Variants in RAB18 observed in about 807,000 individuals in gnomAD.
RAB18 encodes the protein RAB18, member RAS oncogene family, also known as ras-related protein Rab-18.
In RAB18, 10 loss-of-function variants were observed where a neutral mutation model predicts 28.5. The ratio of observed to expected loss-of-function variants is 0.35; its 90% CI spans 0.22 to 0.60. The LOEUF (loss-of-function observed/expected upper bound fraction) is 0.60, where lower values mean the gene tolerates loss of function less well. RAB18 is among the 20% of genes least tolerant of loss of function. RAB18 has a pLI of 0.78. For synonymous variants in RAB18, 93 were observed against 86.9 expected (o/e 1.07, Z -0.39); for missense variants, 188 against 244.2 (o/e 0.77, Z 1.53).
intron 4 of RAB18, among the ~76,000 whole-genome samples, chr10:27,533,117 G>C (rs1326589401): frequency 6.6e-6 from 1 of 151,978 alleles, no homozygotes; most frequent in Non-Finnish European, 1.5e-5. Context: ...TGTATTAATA[G>C]GTAGAATTCT....
rs1287315614 is a variant in RAB18, at chr10:27,541,680, C to T, written c.*3629C>T. 1 of 447,016 alleles carries T rather than the reference C, an allele frequency of 2.2e-6. No individual in the cohort carries two copies. The highest frequency in any genetic ancestry group is 4.4e-6 in the Non-Finnish European group (1 of 225,214). 27.7% of individuals were successfully genotyped at this position (447,016 alleles called of 1,614,324 possible). ...TTTTAACCGGAGAAGCAACAAATTA[C>T]GTAGTTTTTTTTGTGTTTCTTTGAT... On this transcript the variant is annotated 3_prime_UTR_variant, in exon 7 of 7. Coordinates refer to ENST00000356940, the MANE Select transcript of RAB18 (RefSeq NM_021252.5).
chr10:27,517,377 G>A (rs1044397903), intron 2 of RAB18, among the ~76,000 whole-genome samples: 1 of 151,866 alleles, frequency 6.6e-6, no homozygotes, highest in Non-Finnish European at 1.5e-5. Flanking sequence ...AAAAAAAAAA[G>A]AATTTGATGA....
chr10:27,504,822 C>T (rs1589554868), intron 1 of RAB18: 2 of 479,096 alleles, frequency 4.2e-6, no homozygotes, highest in East Asian at 1.1e-4. Context: ...GGCTGCCTGC[C>T]ACCCCGAGAC....
In RAB18 at chr10:27,540,515, T is replaced by C. The variant is rs1490466753; in HGVS notation, c.*2464T>C. 6.6e-6 allele frequency: 3 copies of C among 454,002 alleles called. No individual in the cohort carries two copies. The highest frequency in any genetic ancestry group is 1.6e-5 in the South Asian group (1 of 64,478). 28.1% of individuals were successfully genotyped at this position (454,002 alleles called of 1,614,324 possible). A position where few individuals can be genotyped will look rare whatever the true frequency, so the allele number is the denominator to read the frequency against. On this transcript the variant is annotated 3_prime_UTR_variant, in exon 7 of 7. Transcript: ENST00000356940. ...TATGTAATAGAAGTATTTCACACTT[T>C]TGGGTTATAGAGTAAATCCCATGAT...
chr10:27,535,684 G>C (rs142932091), intron 6 of RAB18, among the ~76,000 whole-genome samples: 1 of 152,126 alleles, frequency 6.6e-6, no homozygotes, highest in Admixed American at 6.5e-5. Flanking sequence ...AGGAAGAAGC[G>C]GTTTGACTGT....
intron 2 of RAB18, among the ~76,000 whole-genome samples, chr10:27,510,792 T>C (rs1379310518): frequency 6.6e-6 from 1 of 152,226 alleles, no homozygotes. Context: ...ATAAAGAGTT[T>C]CTGTTAACTG....
chr10:27,529,134 T>C (rs1459419100), intron 3 of RAB18, among the ~76,000 whole-genome samples: 1 of 151,922 alleles, frequency 6.6e-6, no homozygotes, highest in Admixed American at 6.6e-5. Context: ...GAATATATGT[T>C]TGTGTTCTTG....
Position 27,541,654 on chromosome 10 carries a change from T to G in RAB18, c.*3603T>G, listed in dbSNP as rs1284657718. On this transcript the variant is annotated 3_prime_UTR_variant, in exon 7 of 7. Transcript: ENST00000356940. ...TTCTTGCTTTTTTTTTTTTTCCTCT[T>G]TTTTAACCGGAGAAGCAACAAATTA... is the stretch of plus-strand genomic sequence containing the variant. 6.6e-6 allele frequency: 3 copies of G among 452,144 alleles called. No homozygotes were observed. The highest frequency in any genetic ancestry group is 4.0e-5 in the African/African-American group (2 of 49,766). 28.0% of individuals were successfully genotyped at this position (452,144 alleles called of 1,614,324 possible). A position where few individuals can be genotyped will look rare whatever the true frequency, so the allele number is the denominator to read the frequency against.
At position 27,504,384 on chromosome 10, in the gene RAB18, G is replaced by C; in HGVS notation, c.15G>C (p.Val5=). 6.3e-7 allele frequency: 1 copy of C among 1,576,316 alleles called. No homozygotes were observed. The highest frequency in any genetic ancestry group is 8.6e-7 in the Non-Finnish European group (1 of 1,161,350). The change falls in exon 1 of 7, where the codon GTG becomes GTC. Residue 5 remains valine (V), a synonymous_variant. Coordinates refer to ENST00000356940, the MANE Select transcript of RAB18 (RefSeq NM_021252.5). The part of the protein sequence containing the change: MDED[V]LTTLKILIIG... ...ACGGGGTCAGGATGGACGAGGACGT[G>C]CTAACCACCCTGAAGATCCTCATCA... is the stretch of plus-strand genomic sequence containing the variant.
chr10:27,523,524 A>C (rs979651900), intron 2 of RAB18, among the ~76,000 whole-genome samples: 1 of 151,254 alleles, frequency 6.6e-6, no homozygotes, highest in African/African-American at 2.4e-5. Flanking sequence ...CTGTGTCATC[A>C]CATTCACTGA....
rs559241694 is a variant in RAB18, at chr10:27,512,247, G to A, written c.124+2317G>A. Among the ~76,000 whole-genome samples the A allele has an allele frequency of 3.9e-5, 6 of 151,914 alleles. 1 individual carries two copies. The South Asian group carries it at 1.2e-3, about 32-fold the overall frequency. On this transcript the variant is annotated intron_variant, in intron 2 of 6. Coordinates refer to ENST00000356940, the MANE Select transcript of RAB18 (RefSeq NM_021252.5). Reference sequence around the variant, plus strand: ...TAGGAAAGGGAATCATTTAAAACACGAATTCAAAATCCATTGTAATTTGGC... The same window carrying A: ...TAGGAAAGGGAATCATTTAAAACACAAATTCAAAATCCATTGTAATTTGGC...
chr10:27,510,352 G>C, intron 2 of RAB18: 1 of 226,088 alleles, frequency 4.4e-6, no homozygotes, highest in Non-Finnish European at 8.9e-6. Context: ...AATTTTGTAT[G>C]TTCAGCATTT....
chr10:27,522,936 T>C (rs1210992504), intron 2 of RAB18, among the ~76,000 whole-genome samples: 1 of 152,094 alleles, frequency 6.6e-6, no homozygotes, highest in Non-Finnish European at 1.5e-5. Flanking sequence ...ATCAGTTTTA[T>C]TGGTTTTCTT....
intron 1 of RAB18, among the ~76,000 whole-genome samples, chr10:27,508,437 A>AGTCTT (rs1837905987): frequency 3.5e-4 from 1 of 2,888 alleles, no homozygotes; most frequent in African/African-American, 4.4e-4. Context: ...TCTACAAGGT[A>AGTCTT]ATCTTATGTT....
In RAB18 at chr10:27,541,220, G is replaced by A. The variant is rs1384477476; in HGVS notation, c.*3169G>A. ...ATTGTTCTGACTCCGACCCTGCCGT[G>A]TATACTCAACTATATAGACTTCACC... is the stretch of plus-strand genomic sequence containing the variant. On this transcript the variant is annotated 3_prime_UTR_variant, in exon 7 of 7. Coordinates refer to ENST00000356940, the MANE Select transcript of RAB18 (RefSeq NM_021252.5). 2 of 453,820 alleles carry A rather than the reference G, an allele frequency of 4.4e-6. No individual in the cohort carries two copies. The highest frequency in any genetic ancestry group is 3.1e-5 in the South Asian group (2 of 64,458). 28.1% of individuals were successfully genotyped at this position (453,820 alleles called of 1,614,324 possible).
At chr10:27,527,619 A>G (rs1012265239) in intron 3 of RAB18, among the ~76,000 whole-genome samples, 2 of 151,712 alleles carry the variant, frequency 1.3e-5, no homozygotes, top group African/African-American at 4.8e-5. Context: ...ACTGTTTTAT[A>G]TATCTATTTT....
rs77317710 is a variant in RAB18 at position 27,510,728 on chromosome 10, T to C, written c.124+798T>C. On this transcript the variant is annotated intron_variant, in intron 2 of 6. Coordinates refer to ENST00000356940, the MANE Select transcript of RAB18 (RefSeq NM_021252.5). ...ATTGGGAGGTTTTGTTAAAATTTCA[T>C]GATCTGATGAGGAGAATATAGTAAA... Among the ~76,000 whole-genome samples the C allele has an allele frequency of 9.1e-3, 1,379 of 152,320 alleles. 13 individuals carry two copies. Among genetic ancestry groups the C allele is most frequent in the Admixed American group, 0.022 (335 of 15,304 alleles).
intron 2 of RAB18, chr10:27,510,255 T>C (rs997221623): frequency 3.4e-5 from 12 of 355,904 alleles, no homozygotes; most frequent in South Asian, 2.6e-4. Flanking sequence ...ATACTTATTG[T>C]ATGCCAGGGA....
Position 27,539,541 on chromosome 10 carries a change from G to T in RAB18, c.*1490G>T, listed in dbSNP as rs1281716585. On this transcript the variant is annotated 3_prime_UTR_variant, in exon 7 of 7. Transcript: ENST00000356940. The stretch of plus-strand genomic sequence containing the variant: ...CTATATGCTTTTACTAAATATACAA[G>T]ATTTACTACTAGAAATTTGGAGAAA... 2.5e-6 allele frequency: 1 copy of T among 404,204 alleles called. No individual in the cohort carries two copies. The highest frequency in any genetic ancestry group is 1.9e-5 in the South Asian group (1 of 53,392). 25.0% of individuals were successfully genotyped at this position (404,204 alleles called of 1,614,324 possible). A position where few individuals can be genotyped will look rare whatever the true frequency, so the allele number is the denominator to read the frequency against.
Sources: allele counts gnomAD v4.1 joint callset (sites outside exome capture counted in the v4.1 genomes callset), GRCh38; gene constraint gnomAD v4.1.1; transcripts MANE v1.5; gene names NCBI Gene and HGNC (gene_info 2026-07-23, HGNC 2026-07-21).